HCN1: variants seen among roughly 807,000 people sequenced by gnomAD.
HCN1 encodes potassium/sodium hyperpolarization-activated cyclic nucleotide-gated channel 1.
Under a neutral mutation model 78.9 loss-of-function variants are expected in HCN1, and 13 were observed. That is an observed-to-expected ratio of 0.16 (90% CI 0.11 to 0.26). The LOEUF (loss-of-function observed/expected upper bound fraction) is 0.26, where lower values mean the gene tolerates loss of function less well. Among genes scored for constraint, HCN1 ranks in the 10% least tolerant of loss-of-function variants. The probability of loss-of-function intolerance (pLI) is 1.00; values close to 1 mark genes in which losing one functional copy is unlikely to be tolerated. For synonymous variants in HCN1, 552 were observed against 455.5 expected (o/e 1.21, Z -2.70); for missense variants, 810 against 1,154.3 (o/e 0.70, Z 4.32).
chr5:45,275,013 A>T (rs1745028307), intron 6 of HCN1, among the ~76,000 whole-genome samples: 2 of 152,176 alleles, frequency 1.3e-5, no homozygotes, highest in Admixed American at 1.3e-4. Context: ...TGGGAGGCCG[A>T]GGGGGGCAGA....
chr5:45,462,823 C>T (rs914267714), intron 2 of HCN1, among the ~76,000 whole-genome samples: 12 of 151,836 alleles, frequency 7.9e-5, no homozygotes, highest in Admixed American at 7.9e-4. Context: ...ACTCATTTTT[C>T]TAGAATTTAC....
At chr5:45,517,520 TAAAAAAAAAAAA>T (rs773490588) in intron 2 of HCN1, among the ~76,000 whole-genome samples, 1 of 94,368 alleles carries the variant, frequency 1.1e-5, no homozygotes, top group Non-Finnish European at 2.0e-5. Flanking sequence ...AATTTCCCCT[TAAAAAAAAAAAA>T]AAAAAAAAAA....
chr5:45,635,734 A>T (rs912916797), intron 2 of HCN1, among the ~76,000 whole-genome samples: 1 of 152,158 alleles, frequency 6.6e-6, no homozygotes, highest in Admixed American at 6.6e-5. Flanking sequence ...ACAGAAAAAG[A>T]AGTCAAAGCA....
At chr5:45,497,464 C>G (rs576191527) in intron 2 of HCN1, among the ~76,000 whole-genome samples, 63 of 152,298 alleles carry the variant, frequency 4.1e-4, no homozygotes, top group Non-Finnish European at 8.7e-4. Context: ...TAATGGCCTT[C>G]TTTGTCTCTT....
At chr5:45,673,022 C>G (rs754739703) in intron 1 of HCN1, among the ~76,000 whole-genome samples, 19 of 151,456 alleles carry the variant, frequency 1.3e-4, no homozygotes, top group Non-Finnish European at 2.8e-4. Flanking sequence ...TCTGTTCCAG[C>G]ATGCTGTCCA....
intron 2 of HCN1, among the ~76,000 whole-genome samples, chr5:45,514,563 C>G (rs993570542): frequency 3.3e-5 from 5 of 152,110 alleles, no homozygotes; most frequent in Non-Finnish European, 7.4e-5. Context: ...ACATTTATTT[C>G]TACCTCAATG....
At chr5:45,422,506 C>T (rs1740249445) in intron 3 of HCN1, among the ~76,000 whole-genome samples, 1 of 152,114 alleles carries the variant, frequency 6.6e-6, no homozygotes, top group African/African-American at 2.4e-5. Context: ...GGCCAAACCT[C>T]CAAAAACCAT....
chr5:45,637,523 G>A (rs1176096535), intron 2 of HCN1, among the ~76,000 whole-genome samples: 1 of 150,962 alleles, frequency 6.6e-6, no homozygotes. Flanking sequence ...CACAGATTTA[G>A]AGAGATTACA....
intron 4 of HCN1, among the ~76,000 whole-genome samples, chr5:45,380,129 A>G (rs1204871731): frequency 6.6e-6 from 1 of 152,024 alleles, no homozygotes; most frequent in Admixed American, 6.6e-5. Flanking sequence ...ATGGTTCTGG[A>G]GGCTGGGAAG....
intron 1 of HCN1, among the ~76,000 whole-genome samples, chr5:45,677,210 T>G (rs1035817312): frequency 6.6e-6 from 1 of 151,804 alleles, no homozygotes; most frequent in African/African-American, 2.4e-5. Flanking sequence ...TGATAACCTC[T>G]CATTACTTCT....
intron 2 of HCN1, among the ~76,000 whole-genome samples, chr5:45,539,589 C>A (rs1206276147): frequency 6.6e-6 from 1 of 150,690 alleles, no homozygotes; most frequent in Non-Finnish European, 1.5e-5. Context: ...GGCGTGAACC[C>A]GGGAGACGGA....
intron 2 of HCN1, among the ~76,000 whole-genome samples, chr5:45,544,420 T>C (rs1743164967): frequency 6.6e-6 from 1 of 152,062 alleles, no homozygotes. Context: ...TTACCTCCTA[T>C]TTGACAAAGC....
At chr5:45,505,437 C>T (rs1742279193) in intron 2 of HCN1, among the ~76,000 whole-genome samples, 1 of 152,112 alleles carries the variant, frequency 6.6e-6, no homozygotes, top group African/African-American at 2.4e-5. Context: ...TTTCTGAGGG[C>T]TCTGCTCCTT....
At chr5:45,464,501 C>T (rs1741229501) in intron 2 of HCN1, among the ~76,000 whole-genome samples, 1 of 151,998 alleles carries the variant, frequency 6.6e-6, no homozygotes, top group Non-Finnish European at 1.5e-5. Context: ...ATTATGTGTT[C>T]AAAATTGACA....
chr5:45,291,300 C>T (rs1745368114), intron 6 of HCN1, among the ~76,000 whole-genome samples: 1 of 152,016 alleles, frequency 6.6e-6, no homozygotes, highest in South Asian at 2.1e-4. Context: ...TGGTCTATCA[C>T]TAAGATGATC....
intron 2 of HCN1, among the ~76,000 whole-genome samples, chr5:45,538,979 T>C (rs1743030530): frequency 1.3e-5 from 2 of 152,156 alleles, no homozygotes; most frequent in Non-Finnish European, 2.9e-5. Context: ...AATGAAACAA[T>C]CGATATTTTT....
chr5:45,396,485 A>G lies in HCN1; in HGVS notation c.1230+7T>C. On this transcript the variant is annotated splice_region_variant and intron_variant, in intron 4 of 7. Coordinates refer to ENST00000303230, the MANE Select transcript of HCN1 (RefSeq NM_021072.4). ...TAAAGACATTGGCGATAAATAAAAC[A>G]AATTACCTTCTCTTGATACTGCCGC... The G allele has an allele frequency of 6.2e-7, 1 of 1,611,618 alleles. No individual in the cohort carries two copies. Among genetic ancestry groups the G allele is most frequent in the Non-Finnish European group, 8.5e-7 (1 of 1,178,712 alleles).
chr5:45,345,020 C>G (rs1746669855), intron 5 of HCN1, among the ~76,000 whole-genome samples: 1 of 152,190 alleles, frequency 6.6e-6, no homozygotes, highest in Non-Finnish European at 1.5e-5. Flanking sequence ...GCCTGGACAT[C>G]CACGCATTTC....
chr5:45,391,054 G>A (rs912870370), intron 4 of HCN1, among the ~76,000 whole-genome samples: 2 of 151,448 alleles, frequency 1.3e-5, no homozygotes, highest in Admixed American at 6.6e-5. Context: ...TTCAGTTCCC[G>A]GGAAGCAAAG....
Sources: allele counts gnomAD v4.1 joint callset (sites outside exome capture counted in the v4.1 genomes callset), GRCh38; gene constraint gnomAD v4.1.1; transcripts MANE v1.5; gene names NCBI Gene and HGNC (gene_info 2026-07-23, HGNC 2026-07-21).